The following CMSS1 variants were observed in gnomAD, a reference collection of about 807,000 sequenced individuals.
CMSS1 encodes protein CMSS1.
Under a neutral mutation model 43.5 loss-of-function variants are expected in CMSS1, and 33 were observed. That is an observed-to-expected ratio of 0.76 (90% CI 0.57 to 1.01). CMSS1 has a LOEUF of 1.01. CMSS1 is among the 50% of genes least tolerant of loss of function. CMSS1 has a pLI of 0.00. For missense variants in CMSS1, 313 were observed against 326.4 expected, an observed-to-expected ratio of 0.96 and a Z score of 0.32; for synonymous variants, 115 against 117.2, an observed-to-expected ratio of 0.98 and a Z score of 0.12.
At chr3:100,105,581 T>G (rs559859102) in intron 1 of CMSS1, among the ~76,000 whole-genome samples, 1 of 152,322 alleles carries the variant, frequency 6.6e-6, no homozygotes, top group African/African-American at 2.4e-5. Context: ...TCATATACCC[T>G]TTAAGCAGAA....
At chr3:99,845,699 T>G (rs771629758) in intron 1 of CMSS1, among the ~76,000 whole-genome samples, 2 of 152,238 alleles carry the variant, frequency 1.3e-5, no homozygotes, top group Non-Finnish European at 2.9e-5. Context: ...TTGTGTCATT[T>G]TAGGTGTAAT....
Position 99,951,497 on chromosome 3 carries a change from C to A in CMSS1, c.64+133454C>A, listed in dbSNP as rs564491304. On this transcript the variant is annotated intron_variant, in intron 1 of 9. Coordinates refer to ENST00000421999, the MANE Select transcript of CMSS1 (RefSeq NM_032359.4). ...TGATGAGATTTTGTTTTAGTCCAGT[C>A]TCCCTGGTAAAAATCGCTTGGACTT... 2.0e-5 allele frequency among the ~76,000 whole-genome samples: 3 copies of A among 152,260 alleles called. No individual in the cohort carries two copies. In the East Asian group the frequency reaches 5.8e-4, roughly 29 times the overall value.
chr3:100,003,852 C>T (rs1709911878), intron 1 of CMSS1, among the ~76,000 whole-genome samples: 1 of 152,126 alleles, frequency 6.6e-6, no homozygotes, highest in African/African-American at 2.4e-5. Context: ...ACTAACTTTG[C>T]ATGAGTTCAA....
intron 1 of CMSS1, among the ~76,000 whole-genome samples, chr3:100,002,093 G>GA (rs1559721138): frequency 6.6e-6 from 1 of 152,188 alleles, no homozygotes; most frequent in African/African-American, 2.4e-5. Context: ...GCCACTGCAA[G>GA]TGGAAAACAT....
chr3:99,952,585 C>T (rs1237442194), intron 1 of CMSS1, among the ~76,000 whole-genome samples: 1 of 152,132 alleles, frequency 6.6e-6, no homozygotes, highest in Non-Finnish European at 1.5e-5. Context: ...TGCTAGAAAA[C>T]ACTATGCTTT....
intron 1 of CMSS1, among the ~76,000 whole-genome samples, chr3:99,949,106 T>C (rs950658531): frequency 6.6e-6 from 1 of 152,184 alleles, no homozygotes; most frequent in Non-Finnish European, 1.5e-5. Context: ...TTGGGAGGAA[T>C]ATTTCATAAA....
intron 1 of CMSS1, chr3:100,075,541 A>G (rs375030083): frequency 1.3e-5 from 2 of 148,820 alleles, no homozygotes; most frequent in African/African-American, 4.9e-5. Context: ...TCATATCCCA[A>G]TCTTTGTCTT....
chr3:100,012,998 A>G (rs958582755), intron 1 of CMSS1, among the ~76,000 whole-genome samples: 2 of 151,602 alleles, frequency 1.3e-5, no homozygotes, highest in Non-Finnish European at 2.9e-5. Flanking sequence ...GGGTTTTGTC[A>G]TGTTGTCCGG....
chr3:99,988,527 A>AAAG (rs1553703282), intron 1 of CMSS1, among the ~76,000 whole-genome samples: 2 of 130,256 alleles, frequency 1.5e-5, no homozygotes, highest in South Asian at 2.3e-4. Flanking sequence ...AAAAAAAAAA[A>AAAG]AAAGAAAGAA....
At chr3:100,155,929 ATCT>A (rs1308510421) in intron 2 of CMSS1, among the ~76,000 whole-genome samples, 1 of 152,052 alleles carries the variant, frequency 6.6e-6, no homozygotes, top group Non-Finnish European at 1.5e-5. Context: ...AAATTTTAGA[ATCT>A]TCTTTGCCCA....
chr3:100,034,014 A>G (rs2065064545), intron 1 of CMSS1, among the ~76,000 whole-genome samples: 1 of 152,216 alleles, frequency 6.6e-6, no homozygotes, highest in African/African-American at 2.4e-5. Context: ...TATTTGATTG[A>G]AGAAACATGG....
chr3:100,054,551 T>C (rs1236285018), intron 1 of CMSS1, among the ~76,000 whole-genome samples: 3 of 152,160 alleles, frequency 2.0e-5, no homozygotes, highest in Non-Finnish European at 2.9e-5. Flanking sequence ...TGTCATGTTA[T>C]GTTGTTACCT....
At chr3:99,911,681 T>A (rs1438799147) in intron 1 of CMSS1, among the ~76,000 whole-genome samples, 2 of 152,190 alleles carry the variant, frequency 1.3e-5, no homozygotes. Context: ...ACCTTCACAT[T>A]CGCTCCCTGC....
intron 1 of CMSS1, chr3:99,850,135 G>T (rs922119415): frequency 2.5e-6 from 4 of 1,611,754 alleles, no homozygotes; most frequent in Non-Finnish European, 3.4e-6. Flanking sequence ...TTTATCTTCA[G>T]TTTTCTTTAA....
intron 1 of CMSS1, among the ~76,000 whole-genome samples, chr3:100,055,192 C>T (rs2065444319): frequency 6.6e-6 from 1 of 152,196 alleles, no homozygotes; most frequent in Non-Finnish European, 1.5e-5. Flanking sequence ...CTACTCTTAT[C>T]AATTTCTTCG....
chr3:100,117,931 A>G (rs1272425305), intron 1 of CMSS1, among the ~76,000 whole-genome samples: 1 of 148,226 alleles, frequency 6.7e-6, no homozygotes, highest in African/African-American at 2.5e-5. Context: ...ATTCTGATAC[A>G]TACTACAATA....
At position 99,957,848 on chromosome 3, in the gene CMSS1, G is replaced by A. The variant is rs118147256; in HGVS notation, c.64+139805G>A. ...AGTTCTTAGGCCTGGATATTTGTAT[G>A]TTCTTAATATAGGCCTAATAACAGC... On this transcript the variant is annotated intron_variant, in intron 1 of 9. Coordinates refer to ENST00000421999, the MANE Select transcript of CMSS1 (RefSeq NM_032359.4). 3.2e-3 allele frequency among the ~76,000 whole-genome samples: 478 copies of A among 150,216 alleles called. 11 individuals are homozygous for A. In the East Asian group the frequency reaches 0.061, roughly 19 times the overall value.
At chr3:100,076,714 T>G (rs895857383) in intron 1 of CMSS1, among the ~76,000 whole-genome samples, 1 of 152,246 alleles carries the variant, frequency 6.6e-6, no homozygotes, top group African/African-American at 2.4e-5. Flanking sequence ...CACCTCTGTT[T>G]CTTCTACCAT....
intron 1 of CMSS1, among the ~76,000 whole-genome samples, chr3:100,007,978 C>T (rs1710036943): frequency 6.6e-6 from 1 of 152,036 alleles, no homozygotes; most frequent in African/African-American, 2.4e-5. Context: ...CTGAGGGCTC[C>T]CTGGGAATTA....
Sources: allele counts gnomAD v4.1 joint callset (sites outside exome capture counted in the v4.1 genomes callset), GRCh38; gene constraint gnomAD v4.1.1; transcripts MANE v1.5; gene names NCBI Gene and HGNC (gene_info 2026-07-23, HGNC 2026-07-21).